ARHGEF7: variants seen among roughly 807,000 people sequenced by gnomAD.
ARHGEF7 encodes PAK-interacting exchange factor beta.
Under a neutral mutation model 109.8 loss-of-function variants are expected in ARHGEF7, and 33 were observed. That is an observed-to-expected ratio of 0.30 (90% CI 0.23 to 0.40). The LOEUF is 0.40. ARHGEF7 is among the 10% of genes least tolerant of loss of function. The probability of loss-of-function intolerance (pLI) is 1.00; values close to 1 mark genes in which losing one functional copy is unlikely to be tolerated. For synonymous variants in ARHGEF7, 458 were observed against 424.6 expected (o/e 1.08, Z -0.97); for missense variants, 938 against 1,098.5 (o/e 0.85, Z 2.07).
At chr13:111,287,839 G>T (rs1054093144) in intron 17 of ARHGEF7, among the ~76,000 whole-genome samples, 5 of 152,250 alleles carry the variant, frequency 3.3e-5, no homozygotes, top group Non-Finnish European at 5.9e-5. Context: ...AAGATGATGG[G>T]CCCGGGTTTT....
At chr13:111,205,489 T>C (rs2081712736) in intron 3 of ARHGEF7, 116 bp downstream of exon 3, 1 of 644,998 alleles carries the variant, frequency 1.6e-6, no homozygotes, top group Admixed American at 3.6e-5. Context: ...AATAAGCTTT[T>C]GTTGCATTAC....
At chr13:111,149,867 A>G (rs2075807988) in intron 1 of ARHGEF7, among the ~76,000 whole-genome samples, 1 of 152,232 alleles carries the variant, frequency 6.6e-6, no homozygotes, top group Non-Finnish European at 1.5e-5. Flanking sequence ...GCATTAAGTG[A>G]AGATTAAGCA....
intron 15 of ARHGEF7, among the ~76,000 whole-genome samples, chr13:111,282,555 G>A (rs1003066297): frequency 2.0e-5 from 3 of 152,180 alleles, no homozygotes; most frequent in African/African-American, 7.2e-5. Context: ...GATGGTAAAC[G>A]TTCTCTGCTT....
At chr13:111,135,123 T>G (rs1218690096) in intron 1 of ARHGEF7, among the ~76,000 whole-genome samples, 1 of 152,244 alleles carries the variant, frequency 6.6e-6, no homozygotes, top group East Asian at 1.9e-4. Context: ...TGTGTGGTAT[T>G]ATTTCTGAGG....
intron 2 of ARHGEF7, among the ~76,000 whole-genome samples, chr13:111,179,229 C>G (rs965393674): frequency 6.6e-6 from 1 of 152,092 alleles, no homozygotes; most frequent in Non-Finnish European, 1.5e-5. Context: ...CAGGCACGTG[C>G]CATCACTCCC....
At chr13:111,123,142 T>G (rs1299692006) in intron 1 of ARHGEF7, among the ~76,000 whole-genome samples, 1 of 152,240 alleles carries the variant, frequency 6.6e-6, no homozygotes, top group African/African-American at 2.4e-5. Context: ...TGACTTGTTT[T>G]GGCCAATGGA....
At chr13:111,300,663 A>T (rs77482587) in intron 19 of ARHGEF7, 85 bp from the exon 20 acceptor site, 2 of 880,418 alleles carry the variant, frequency 2.3e-6, no homozygotes, top group South Asian at 3.6e-5. Flanking sequence ...TTAATATTTA[A>T]GTGACATGGT....
At chr13:111,250,477 A>G (rs989386748) in intron 8 of ARHGEF7, among the ~76,000 whole-genome samples, 5 of 152,240 alleles carry the variant, frequency 3.3e-5, no homozygotes, top group African/African-American at 7.2e-5. Flanking sequence ...TACGAAAGAA[A>G]TCATATCAGG....
intron 3 of ARHGEF7, among the ~76,000 whole-genome samples, chr13:111,207,163 C>T (rs1456363871): frequency 6.6e-6 from 1 of 152,062 alleles, no homozygotes; most frequent in Non-Finnish European, 1.5e-5. Context: ...ATCCATGCCT[C>T]AGAGTTTTGA....
chr13:111,208,584 G>A (rs1328776378), intron 3 of ARHGEF7, among the ~76,000 whole-genome samples: 1 of 152,160 alleles, frequency 6.6e-6, no homozygotes, highest in African/African-American at 2.4e-5. Context: ...AGAATTTCCT[G>A]GAAGGCTGTG....
In ARHGEF7 at chr13:111,174,159, C is replaced by T. The variant is rs58894781; in HGVS notation, c.252+20168C>T. ...GTTTTGAAAAAAGGAATGATATTTGCTGCTATTTAAAATCTAGGTAATATT... is the reference window on the plus strand; with the variant it reads ...GTTTTGAAAAAAGGAATGATATTTGTTGCTATTTAAAATCTAGGTAATATT... On this transcript the variant is annotated intron_variant, in intron 2 of 21. Coordinates refer to ENST00000646102, the MANE Select transcript of ARHGEF7 (RefSeq NM_001354046.2). Among the ~76,000 whole-genome samples the T allele has an allele frequency of 6.2e-4, 95 of 152,264 alleles. 1 individual carries two copies. The highest frequency in any genetic ancestry group is 1.0e-3 in the Non-Finnish European group (71 of 68,028).
At chr13:111,118,245 C>G (rs73633210) in intron 1 of ARHGEF7, among the ~76,000 whole-genome samples, 2,984 of 152,306 alleles carry the variant, frequency 0.02, 99 homozygotes, top group African/African-American at 0.069. Flanking sequence ...CTCATTTGTT[C>G]TGTTTCAGAG....
chr13:111,129,142 A>G (rs1192464998), intron 1 of ARHGEF7, among the ~76,000 whole-genome samples: 1 of 152,234 alleles, frequency 6.6e-6, no homozygotes, highest in Non-Finnish European at 1.5e-5. Flanking sequence ...ATGATACTGG[A>G]ACAAGTAGAT....
chr13:111,139,535 C>G (rs1407935109), intron 1 of ARHGEF7, among the ~76,000 whole-genome samples: 1 of 152,238 alleles, frequency 6.6e-6, no homozygotes, highest in Non-Finnish European at 1.5e-5. Flanking sequence ...ACCTGTGGCT[C>G]TTGTGGGTGC....
intron 1 of ARHGEF7, among the ~76,000 whole-genome samples, chr13:111,139,192 A>G (rs2075230065): frequency 6.6e-6 from 1 of 152,244 alleles, no homozygotes; most frequent in Non-Finnish European, 1.5e-5. Context: ...AGGACTCATC[A>G]AGGGAGGGGC....
Position 111,115,597 on chromosome 13 carries a change from T to C in ARHGEF7, c.71T>C (p.Ile24Thr). ...GTGCTGGAGTCGCCCAAAAAAACCA[T>C]CTCGGACCCGGAGGGCTTTCTGCAG... ...LGVLESPKKT[I>T]SDPEGFLQAS... is the part of the protein sequence containing the mutation. Residue 24 changes from isoleucine to threonine, a missense_variant, in exon 1 of 22, where the codon ATC becomes ACC. Physicochemically the swap from Ile to Thr is moderately conservative, Grantham distance 89 (BLOSUM62 -1). Around this residue, in one of 4 missense-constraint regions of ARHGEF7, gnomAD observed 165 missense variants for 125.8 expected, o/e 1.31. Coordinates refer to ENST00000646102, the MANE Select transcript of ARHGEF7 (RefSeq NM_001354046.2). 7.1e-7 allele frequency: 1 copy of C among 1,415,610 alleles called. No homozygotes were observed. Among genetic ancestry groups the C allele is most frequent in the Non-Finnish European group, 9.4e-7 (1 of 1,067,582 alleles). 87.7% of individuals were successfully genotyped at this position (1,415,610 alleles called of 1,614,324 possible).
At position 111,275,679 on chromosome 13, in the gene ARHGEF7, G is replaced by A; in HGVS notation, c.1419+1G>A. 6.2e-7 allele frequency: 1 copy of A among 1,614,064 alleles called. No homozygotes were observed. Among genetic ancestry groups the A allele is most frequent in the Non-Finnish European group, 8.5e-7 (1 of 1,179,986 alleles). On this transcript the variant is annotated splice_donor_variant, in intron 12 of 21. Coordinates refer to ENST00000646102, the MANE Select transcript of ARHGEF7 (RefSeq NM_001354046.2). LOFTEE classifies it high-confidence loss of function. ...CCTGATTCAGTGTGCCGGAAGTGAGGTACTGCTGCCCACATGCACGCACCA... is the reference window on the plus strand; with the variant it reads ...CCTGATTCAGTGTGCCGGAAGTGAGATACTGCTGCCCACATGCACGCACCA...
intron 19 of ARHGEF7, chr13:111,294,685 A>G (rs1307561390): frequency 2.0e-6 from 2 of 985,470 alleles, no homozygotes; most frequent in Non-Finnish European, 2.4e-6. Context: ...GCGATGTGGC[A>G]TCCAGAGGGC....
intron 2 of ARHGEF7, among the ~76,000 whole-genome samples, chr13:111,176,466 G>T (rs2078171137): frequency 6.6e-6 from 1 of 152,144 alleles, no homozygotes; most frequent in Admixed American, 6.5e-5. Context: ...CTTGTGTTTT[G>T]CTTCCTCCCC....
Sources: gnomAD v4.1 joint callset for allele counts (sites outside exome capture counted in the v4.1 genomes callset) on GRCh38, gnomAD v4.1.1 for gene constraint, gnomAD v4.1.1 regional missense constraint, MANE v1.5 for transcripts, NCBI Gene and HGNC (gene_info 2026-07-23, HGNC 2026-07-21) for gene names.